The following FSTL4 variants were observed in gnomAD, a reference collection of about 807,000 sequenced individuals.
FSTL4 encodes follistatin-related protein 4.
A neutral mutation model predicts 78.2 loss-of-function variants in FSTL4; 28 were observed. That is an observed-to-expected ratio of 0.36 (90% CI 0.27 to 0.49). The LOEUF (loss-of-function observed/expected upper bound fraction) is 0.49. FSTL4 is among the 20% of genes least tolerant of loss of function. The pLI, the probability that FSTL4 is intolerant of heterozygous loss-of-function variation, is 0.98. For missense variants in FSTL4, 922 were observed against 1,084.9 expected (o/e 0.85, Z 2.11); for synonymous variants, 422 against 440.5 (o/e 0.96, Z 0.53).
At chr5:133,429,498 A>G (rs1391728922) in intron 3 of FSTL4, among the ~76,000 whole-genome samples, 1 of 152,216 alleles carries the variant, frequency 6.6e-6, no homozygotes, top group Non-Finnish European at 1.5e-5. Flanking sequence ...GGAAGAAACC[A>G]CATAAGCTGG....
chr5:133,354,247 G>T (rs979571141), intron 4 of FSTL4, among the ~76,000 whole-genome samples: 1 of 152,234 alleles, frequency 6.6e-6, no homozygotes, highest in Non-Finnish European at 1.5e-5. Flanking sequence ...TTACCAGGGT[G>T]GAAAGAGACA....
At chr5:133,576,486 A>T (rs768990552) in intron 2 of FSTL4, among the ~76,000 whole-genome samples, 1 of 152,248 alleles carries the variant, frequency 6.6e-6, no homozygotes, top group Non-Finnish European at 1.5e-5. Context: ...GTGGAGCTCC[A>T]TGTGACCAGA....
intron 4 of FSTL4, among the ~76,000 whole-genome samples, chr5:133,341,125 C>A (rs915742748): frequency 2.6e-5 from 4 of 151,968 alleles, no homozygotes; most frequent in African/African-American, 4.8e-5. Context: ...GTTCCTTAGA[C>A]GACTTGTGCA....
In FSTL4 at chr5:133,293,372, G is replaced by A. The variant is rs573505687; in HGVS notation, c.727+19282C>T. Among the ~76,000 whole-genome samples the A allele has an allele frequency of 1.0e-3, 159 of 152,228 alleles. 3 individuals are homozygous for A. Among genetic ancestry groups the A allele is most frequent in the African/African-American group, 3.5e-3 (145 of 41,528 alleles). On this transcript the variant is annotated intron_variant, in intron 6 of 15. Transcript: ENST00000265342. The stretch of plus-strand genomic sequence containing the variant: ...TCTTCCCTGTGGGTGTCTACAGGTC[G>A]GTCCTCCTCAAACTGACTTTGACCA...
intron 7 of FSTL4, among the ~76,000 whole-genome samples, chr5:133,241,431 C>A (rs1015466911): frequency 2.3e-4 from 35 of 152,182 alleles, no homozygotes; most frequent in African/African-American, 8.4e-4. Flanking sequence ...AGGGACAAAC[C>A]TGATTATCTG....
At chr5:133,366,743 A>G (rs1755188881) in intron 4 of FSTL4, among the ~76,000 whole-genome samples, 1 of 151,796 alleles carries the variant, frequency 6.6e-6, no homozygotes, top group Non-Finnish European at 1.5e-5. Flanking sequence ...TCAACGGACC[A>G]ATCCAAGATG....
chr5:133,281,829 CAT>C (rs1254089472), intron 6 of FSTL4, among the ~76,000 whole-genome samples: 3 of 152,038 alleles, frequency 2.0e-5, no homozygotes, highest in South Asian at 2.1e-4. Flanking sequence ...AGGAGCAGGT[CAT>C]GGGGTTTGGG....
At chr5:133,522,337 A>C (rs1244234646) in intron 3 of FSTL4, among the ~76,000 whole-genome samples, 3 of 152,226 alleles carry the variant, frequency 2.0e-5, no homozygotes, top group Non-Finnish European at 4.4e-5. Context: ...AGAAAATATT[A>C]AACAGTTGGT....
Position 133,196,602 on chromosome 5 carries a change from G to A in FSTL4, c.*2493C>T, listed in dbSNP as rs529116115. 1 of 152,236 alleles carries A rather than the reference G, an allele frequency of 6.6e-6. No homozygotes were observed. Among genetic ancestry groups the A allele is most frequent in the African/African-American group, 2.4e-5 (1 of 41,536 alleles). 9.4% of individuals were successfully genotyped at this position (152,236 alleles called of 1,614,324 possible). A position where few individuals can be genotyped will look rare whatever the true frequency, so the allele number is the denominator to read the frequency against. On this transcript the variant is annotated 3_prime_UTR_variant, in exon 16 of 16. Coordinates refer to ENST00000265342, the MANE Select transcript of FSTL4 (RefSeq NM_015082.2). ...TTGTGGGTTCATTAGGAGGATTACC[G>A]GCTGGGCTTGCTACAGGAGGCCCCC...
At chr5:133,316,404 G>A in intron 5 of FSTL4, 55 bp downstream of exon 5, 1 of 1,420,382 alleles carries the variant, frequency 7.0e-7, no homozygotes. Context: ...GCCGGGGTGG[G>A]AAATGGAAAA....
chr5:133,647,616 G>A, the FSTL4 span, among the ~76,000 whole-genome samples: 1 of 152,156 alleles, frequency 6.6e-6, no homozygotes, highest in African/African-American at 2.4e-5. Context: ...ACACAGCTAA[G>A]AACCAGGAAG....
At chr5:133,229,321 A>G (rs542413451) in intron 8 of FSTL4, among the ~76,000 whole-genome samples, 38 of 152,330 alleles carry the variant, frequency 2.5e-4, no homozygotes, top group South Asian at 8.3e-4. Flanking sequence ...CAGGAGTTTG[A>G]GACCAGCCTG....
intron 6 of FSTL4, among the ~76,000 whole-genome samples, chr5:133,261,518 A>C (rs1420236687): frequency 1.3e-5 from 2 of 152,176 alleles, no homozygotes. Context: ...TCCGTTTTGC[A>C]GTTTAGACAC....
upstream of FSTL4, among the ~76,000 whole-genome samples, chr5:133,616,354 T>TATCTATCTATCTATC (rs1376365850): frequency 6.6e-6 from 1 of 151,904 alleles, no homozygotes; most frequent in Non-Finnish European, 1.5e-5. Flanking sequence ...TCTATCTATC[T>TATCTATCTATCTATC]AATTTTAAAG....
At chr5:133,760,642 CCAA>C in the FSTL4 span, among the ~76,000 whole-genome samples, 1 of 152,090 alleles carries the variant, frequency 6.6e-6, no homozygotes, top group South Asian at 2.1e-4. Flanking sequence ...AAAATAAAAG[CCAA>C]CAACAAGTCA....
chr5:133,703,922 G>T, the FSTL4 span, among the ~76,000 whole-genome samples: 1 of 152,150 alleles, frequency 6.6e-6, no homozygotes, highest in Non-Finnish European at 1.5e-5. Flanking sequence ...TTTTCATTTC[G>T]CTCAGGCCCC....
Position 133,283,459 on chromosome 5 carries a change from G to A in FSTL4, c.727+29195C>T, listed in dbSNP as rs1444301857. ...CAGCTGGTGAGGAGTCTATTACATG[G>A]TCCAGATCCAGGGGGACAGTCTGCT... is the stretch of plus-strand genomic sequence containing the variant. On this transcript the variant is annotated intron_variant, in intron 6 of 15. Transcript: ENST00000265342. Among the ~76,000 whole-genome samples the A allele has an allele frequency of 3.9e-5, 6 of 152,168 alleles. No homozygotes were observed. In the South Asian group the frequency reaches 1.2e-3, roughly 31 times the overall value.
chr5:133,421,070 A>T (rs1463332852), intron 3 of FSTL4, among the ~76,000 whole-genome samples: 1 of 152,018 alleles, frequency 6.6e-6, no homozygotes, highest in Non-Finnish European at 1.5e-5. Flanking sequence ...TTGAACAGTG[A>T]CCTGGTCACA....
At chr5:133,400,410 A>C (rs2126970835) in intron 4 of FSTL4, among the ~76,000 whole-genome samples, 1 of 152,172 alleles carries the variant, frequency 6.6e-6, no homozygotes, top group East Asian at 1.9e-4. Context: ...GGTCCTTGTC[A>C]CAACCTTGCA....
Sources: gnomAD v4.1 joint callset for allele counts (sites outside exome capture counted in the v4.1 genomes callset) on GRCh38, gnomAD v4.1.1 for gene constraint, MANE v1.5 for transcripts, NCBI Gene and HGNC (gene_info 2026-07-23, HGNC 2026-07-21) for gene names.